Variants in VPS8 observed in about 807,000 individuals in gnomAD.
VPS8 encodes the protein vacuolar protein sorting-associated protein 8 homolog.
Under a neutral mutation model 216.4 loss-of-function variants are expected in VPS8, and 129 were observed. The observed-to-expected ratio is 0.60, with a 90% CI of 0.52 to 0.69. VPS8 has a LOEUF of 0.69. VPS8 is among the 30% of genes least tolerant of loss of function. The probability of loss-of-function intolerance (pLI) is 0.00; values close to 1 mark genes in which losing one functional copy is unlikely to be tolerated. For missense variants in VPS8, 1,531 were observed against 1,683.5 expected, an observed-to-expected ratio of 0.91 and a Z score of 1.59; for synonymous variants, 571 against 565.4, an observed-to-expected ratio of 1.01 and a Z score of -0.14.
chr3:184,890,930 T>C (rs1732222713), intron 22 of VPS8, among the ~76,000 whole-genome samples: 1 of 152,182 alleles, frequency 6.6e-6, no homozygotes, highest in Non-Finnish European at 1.5e-5. Flanking sequence ...TTTTTGTGAA[T>C]ACTTCTGATT....
intron 39 of VPS8, among the ~76,000 whole-genome samples, chr3:184,971,375 T>C (rs550885633): frequency 1.8e-4 from 28 of 152,322 alleles, no homozygotes; most frequent in African/African-American, 6.7e-4. Flanking sequence ...CTTAGACAGA[T>C]GATTGGGGAT....
At chr3:184,823,380 CT>C (rs1170420865) in intron 1 of VPS8, among the ~76,000 whole-genome samples, 3 of 152,006 alleles carry the variant, frequency 2.0e-5, no homozygotes, top group Admixed American at 6.6e-5. Flanking sequence ...AATTACAAGT[CT>C]TTTTTTTCTG....
rs1737978043 is a variant in VPS8, at chr3:184,918,324, TA to T, written c.2383-1802del. On this transcript the variant is annotated intron_variant, in intron 28 of 47. Transcript: ENST00000625842. ...AGTAATTTTTGAAGTACTACAAAAA[TA>T]TTTTTTTATGTCCAAATTCACAGAT... Among the ~76,000 whole-genome samples the T allele has an allele frequency of 7.9e-5, 12 of 152,306 alleles. No homozygotes were observed. The South Asian group carries it at 2.5e-3, about 32-fold the overall frequency.
intron 40 of VPS8, among the ~76,000 whole-genome samples, chr3:184,972,121 TTC>T: frequency 6.6e-6 from 1 of 151,742 alleles, no homozygotes. Context: ...TAGGAATCAG[TTC>T]TGTTTCCACT....
At chr3:185,028,274 G>A (rs56258231) in intron 46 of VPS8, among the ~76,000 whole-genome samples, 1,704 of 152,216 alleles carry the variant, frequency 0.011, 14 homozygotes, top group Non-Finnish European at 0.017. Flanking sequence ...GTCAGTGGGC[G>A]GCCATCCCAG....
At chr3:184,925,020 GT>G in intron 30 of VPS8, 39 bp downstream of exon 30, 5 of 1,585,326 alleles carry the variant, frequency 3.2e-6, no homozygotes, top group Middle Eastern at 1.7e-4. Flanking sequence ...GTTTTTTCCT[GT>G]TTACTGCGCA....
intron 19 of VPS8, 145 bp downstream of exon 19, chr3:184,869,181 TAAG>T (rs1192212423): frequency 5.2e-6 from 4 of 775,152 alleles, no homozygotes; most frequent in Non-Finnish European, 8.3e-6. Context: ...GACTTTCAGT[TAAG>T]AAGGTTAATG....
intron 45 of VPS8, among the ~76,000 whole-genome samples, chr3:185,010,094 A>G (rs1754806284): frequency 1.3e-5 from 2 of 152,126 alleles, no homozygotes; most frequent in Admixed American, 6.5e-5. Context: ...CAGCCTGGAA[A>G]TCTTCATAAA....
chr3:184,996,533 G>A, intron 44 of VPS8, 32 bp downstream of exon 44: 2 of 1,556,948 alleles, frequency 1.3e-6, no homozygotes, highest in Non-Finnish European at 1.7e-6. Flanking sequence ...TACATGTATG[G>A]TACATGTACA....
chr3:184,915,057 G>A lies in VPS8; in HGVS notation c.2262+4G>A, dbSNP rs775511093. On this transcript the variant is annotated splice_donor_region_variant and intron_variant, in intron 27 of 47. Coordinates refer to ENST00000625842, the MANE Select transcript of VPS8 (RefSeq NM_001009921.3). ...GGTTCCCTTGGTTAAAAACCAGGTT[G>A]GTACTATTTTTATAGCCTTTTGACT... 3.3e-5 allele frequency: 53 copies of A among 1,613,578 alleles called. No homozygotes were observed. The highest frequency in any genetic ancestry group is 4.3e-5 in the Non-Finnish European group (51 of 1,179,654).
At chr3:184,944,835 T>C (rs1007553076) in intron 36 of VPS8, among the ~76,000 whole-genome samples, 1 of 152,228 alleles carries the variant, frequency 6.6e-6, no homozygotes, top group African/African-American at 2.4e-5. Context: ...TGGTTATGCA[T>C]TGGATTTTAG....
intron 45 of VPS8, among the ~76,000 whole-genome samples, chr3:185,009,578 C>A (rs960341343): frequency 3.3e-5 from 5 of 152,098 alleles, no homozygotes; most frequent in African/African-American, 1.2e-4. Flanking sequence ...TGAAGACTTT[C>A]ACTTCAGGAC....
chr3:185,049,541 G>A (rs765287169), intron 47 of VPS8, among the ~76,000 whole-genome samples: 1 of 152,032 alleles, frequency 6.6e-6, no homozygotes, highest in African/African-American at 2.4e-5. Flanking sequence ...CTTCTGATTG[G>A]CTAGAAACCC....
At chr3:184,848,901 A>C (rs1041332184) in intron 8 of VPS8, 170 bp from the exon 9 acceptor site, 2 of 640,908 alleles carry the variant, frequency 3.1e-6, no homozygotes, top group African/African-American at 3.8e-5. Context: ...GTCTAATTCA[A>C]CGCCCAGCAT....
At chr3:184,987,054 A>T (rs902967775) in intron 42 of VPS8, among the ~76,000 whole-genome samples, 1 of 152,072 alleles carries the variant, frequency 6.6e-6, no homozygotes, top group African/African-American at 2.4e-5. Context: ...ACTGCTCTAA[A>T]AGGCCCCTGT....
In VPS8 at chr3:184,843,228, T is replaced by C; in HGVS notation, c.536-12T>C. The stretch of plus-strand genomic sequence containing the variant: ...TTTATCTTTCTTGATCTTTTCTTCA[T>C]GGATTCAAAAGGAAAAGGTATAGTA... On this transcript the variant is annotated splice_polypyrimidine_tract_variant and intron_variant, in intron 7 of 47. Transcript: ENST00000625842. 7.0e-7 allele frequency: 1 copy of C among 1,427,464 alleles called. No individual in the cohort carries two copies. Among genetic ancestry groups the C allele is most frequent in the Non-Finnish European group, 9.3e-7 (1 of 1,080,366 alleles). 88.4% of individuals were successfully genotyped at this position (1,427,464 alleles called of 1,614,324 possible). A position where few individuals can be genotyped will look rare whatever the true frequency, so the allele number is the denominator to read the frequency against.
intron 45 of VPS8, among the ~76,000 whole-genome samples, chr3:185,010,845 T>A (rs1056582575): frequency 6.6e-6 from 1 of 151,762 alleles, no homozygotes; most frequent in African/African-American, 2.4e-5. Context: ...CTACCGAAAT[T>A]TTTAAAAAAT....
chr3:184,982,302 GACTTAC>G, intron 40 of VPS8: 1 of 428,878 alleles, frequency 2.3e-6, no homozygotes, highest in East Asian at 4.3e-5. Flanking sequence ...CCGAGGCCTA[GACTTAC>G]TTAACAGTGG....
At chr3:184,984,183 C>CAAAAAAAAAAAAAAAAAAAAAAAAAA (rs1453935100) in intron 42 of VPS8, among the ~76,000 whole-genome samples, 101 of 2,886 alleles carry the variant, frequency 0.035, 50 homozygotes, top group South Asian at 0.095. Context: ...GACTCCGTCT[C>CAAAAAAAAAAAAAAAAAAAAAAAAAA]AAAAAAAAAA....
Sources: gnomAD v4.1 joint callset for allele counts (sites outside exome capture counted in the v4.1 genomes callset) on GRCh38, gnomAD v4.1.1 for gene constraint, MANE v1.5 for transcripts, NCBI Gene and HGNC (gene_info 2026-07-23, HGNC 2026-07-21) for gene names.